The following THSD7B variants were observed in gnomAD, a reference collection of about 807,000 sequenced individuals.
The protein encoded by THSD7B is thrombospondin type-1 domain-containing protein 7B.
Under a neutral mutation model 213.6 loss-of-function variants are expected in THSD7B, and 138 were observed. The observed-to-expected ratio is 0.65, with a 90% CI of 0.56 to 0.74. The LOEUF (loss-of-function observed/expected upper bound fraction) is 0.74, where lower values mean the gene tolerates loss of function less well. Ranked by LOEUF, THSD7B falls within the 30% of genes least tolerant of loss-of-function variation. The probability of loss-of-function intolerance (pLI) is 0.00; values close to 1 mark genes in which losing one functional copy is unlikely to be tolerated. For synonymous variants in THSD7B, 742 were observed against 687.0 expected (o/e 1.08, Z -1.25); for missense variants, 1,931 against 1,991.5 (o/e 0.97, Z 0.58).
intron 2 of THSD7B, among the ~76,000 whole-genome samples, chr2:136,906,062 T>C (rs1684154785): frequency 6.6e-6 from 1 of 152,240 alleles, no homozygotes; most frequent in African/African-American, 2.4e-5. Context: ...TGGCCTTCTC[T>C]GCCTTTCACA....
In THSD7B at chr2:137,384,915, G is replaced by A. The variant is rs150966134; in HGVS notation, c.2501-20698G>A. On this transcript the variant is annotated intron_variant, in intron 12 of 27. Coordinates refer to ENST00000409968, the MANE Select transcript of THSD7B (RefSeq NM_001316349.2). ...AAACTGGTTCACCCCAACAGGTGCC[G>A]AGATGGGGTGGGATGAGGCACCTGA... 4.6e-4 allele frequency among the ~76,000 whole-genome samples: 70 copies of A among 152,252 alleles called. No individual in the cohort carries two copies. In the East Asian group the frequency reaches 0.01, roughly 22 times the overall value.
At chr2:137,089,384 G>T (rs1687908386) in intron 3 of THSD7B, among the ~76,000 whole-genome samples, 1 of 145,806 alleles carries the variant, frequency 6.9e-6, no homozygotes, top group East Asian at 2.0e-4. Flanking sequence ...ATATATACTA[G>T]TGTGTATATG....
At chr2:137,045,884 A>G (rs1424965902) in intron 2 of THSD7B, among the ~76,000 whole-genome samples, 1 of 152,162 alleles carries the variant, frequency 6.6e-6, no homozygotes, top group East Asian at 1.9e-4. Context: ...AGGCATTGCA[A>G]AAGGATTTGT....
Position 137,440,456 on chromosome 2 carries a change from C to T in THSD7B, c.2960-10389C>T, listed in dbSNP as rs961863454. On this transcript the variant is annotated intron_variant, in intron 14 of 27. Transcript: ENST00000409968. ...CTCCTCTCCAATAACCATAGCCTCA[C>T]CTTACCTTTTTTTTTTTTAATTGGA... 2.0e-5 allele frequency among the ~76,000 whole-genome samples: 3 copies of T among 147,220 alleles called. No homozygotes were observed. The East Asian group carries it at 5.9e-4, about 29-fold the overall frequency.
Position 136,979,583 on chromosome 2 carries a change from T to C in THSD7B, c.140-76837T>C, listed in dbSNP as rs551311693. ...TGATCTATTTGGTTACTGATACTTGTGGTTGCATTGTGAAGTTCTCAAGTT... is the reference window on the plus strand; with the variant it reads ...TGATCTATTTGGTTACTGATACTTGCGGTTGCATTGTGAAGTTCTCAAGTT... On this transcript the variant is annotated intron_variant, in intron 2 of 27. Coordinates refer to ENST00000409968, the MANE Select transcript of THSD7B (RefSeq NM_001316349.2). Among the ~76,000 whole-genome samples the C allele has an allele frequency of 3.9e-5, 6 of 152,308 alleles. No homozygotes were observed. The South Asian group carries it at 1.2e-3, about 32-fold the overall frequency.
chr2:136,786,504 T>G (rs901159834), intron 1 of THSD7B, among the ~76,000 whole-genome samples: 1 of 152,172 alleles, frequency 6.6e-6, no homozygotes, highest in Non-Finnish European at 1.5e-5. Flanking sequence ...ATATATCACC[T>G]CCTGGATTCG....
At chr2:137,383,026 G>A (rs562719803) in intron 12 of THSD7B, among the ~76,000 whole-genome samples, 9 of 152,318 alleles carry the variant, frequency 5.9e-5, no homozygotes, top group South Asian at 4.1e-4. Flanking sequence ...CCAAGGAAGC[G>A]ACACCTATGG....
At chr2:137,044,991 T>C (rs567533110) in intron 2 of THSD7B, among the ~76,000 whole-genome samples, 38 of 152,346 alleles carry the variant, frequency 2.5e-4, no homozygotes, top group Non-Finnish European at 1.2e-4. Context: ...AATGGCAACA[T>C]GTTTCTCTTC....
intron 4 of THSD7B, among the ~76,000 whole-genome samples, chr2:137,109,869 C>T (rs1230435056): frequency 1.3e-5 from 2 of 152,168 alleles, no homozygotes; most frequent in South Asian, 2.1e-4. Flanking sequence ...TGAGGTTCCA[C>T]ATAACGTGGC....
At chr2:137,476,960 A>G (rs571432011) in intron 15 of THSD7B, among the ~76,000 whole-genome samples, 9 of 152,302 alleles carry the variant, frequency 5.9e-5, no homozygotes, top group African/African-American at 2.2e-4. Flanking sequence ...AGAACATTCC[A>G]TGTGCTGATG....
chr2:136,847,144 G>A (rs561469613), intron 1 of THSD7B, among the ~76,000 whole-genome samples: 9 of 152,220 alleles, frequency 5.9e-5, no homozygotes, highest in Admixed American at 1.3e-4. Flanking sequence ...TGGAATAAAC[G>A]TCCGGAAAGG....
chr2:137,487,746 T>C, intron 15 of THSD7B, among the ~76,000 whole-genome samples: 1 of 1,726 alleles, frequency 5.8e-4, no homozygotes, highest in Non-Finnish European at 2.5e-3. Context: ...CTTTTTTTTT[T>C]TTTTTTTTTT....
At chr2:137,453,536 A>T (rs1443239834) in intron 15 of THSD7B, among the ~76,000 whole-genome samples, 2 of 151,798 alleles carry the variant, frequency 1.3e-5, no homozygotes, top group Non-Finnish European at 2.9e-5. Flanking sequence ...TCACTGTGTT[A>T]GCCATGATGG....
intron 20 of THSD7B, among the ~76,000 whole-genome samples, chr2:137,641,551 T>C (rs1682937490): frequency 6.6e-6 from 1 of 152,224 alleles, no homozygotes; most frequent in African/African-American, 2.4e-5. Flanking sequence ...TTATATGTGC[T>C]GAGTTCTTCA....
At chr2:137,483,780 G>A (rs1451720278) in intron 15 of THSD7B, among the ~76,000 whole-genome samples, 3 of 152,136 alleles carry the variant, frequency 2.0e-5, no homozygotes, top group East Asian at 3.9e-4. Flanking sequence ...CCCCGCTGGT[G>A]GCAGGAAGCA....
Position 137,554,628 on chromosome 2 carries a change from A to G in THSD7B, c.3139-8593A>G, listed in dbSNP as rs543238888. ...CTACAGCTCCCAATGTGAGTGATGCAGAGGTTGGGTGATTTCTGCATTTCC... is the reference window on the plus strand; with the variant it reads ...CTACAGCTCCCAATGTGAGTGATGCGGAGGTTGGGTGATTTCTGCATTTCC... On this transcript the variant is annotated intron_variant, in intron 15 of 27. Transcript: ENST00000409968. Among the ~76,000 whole-genome samples, 9 of 152,290 alleles carry G rather than the reference A, an allele frequency of 5.9e-5. No homozygotes were observed. In the East Asian group the frequency reaches 1.7e-3, roughly 29 times the overall value.
Position 137,170,755 on chromosome 2 carries a change from C to T in THSD7B, c.1540C>T (p.Gln514Ter). Reference protein sequence around the residue: ...PQGKKGFRTRQRHVLMESTGP... With the variant: ...PQGKKGFRTR ...TCTCTTTTTAGGATTTAGAACGAGG[C>T]AGCGCCATGTCCTCATGGAATCTAC... Residue 514 changes from glutamine (Q) to a stop codon, truncating the protein, a stop_gained, in exon 7 of 28, where the codon CAG (glutamine) becomes TAG (stop). Coordinates refer to ENST00000409968, the MANE Select transcript of THSD7B (RefSeq NM_001316349.2). LOFTEE classifies it high-confidence loss of function. 1 of 1,613,172 alleles carries T rather than the reference C, an allele frequency of 6.2e-7. No homozygotes were observed. Among genetic ancestry groups the T allele is most frequent in the Non-Finnish European group, 8.5e-7 (1 of 1,179,478 alleles).
At position 137,556,416 on chromosome 2, in the gene THSD7B, C is replaced by T. The variant is rs549829671; in HGVS notation, c.3139-6805C>T. 7.5e-3 allele frequency among the ~76,000 whole-genome samples: 1,145 copies of T among 152,184 alleles called. 11 individuals carry two copies. Among genetic ancestry groups the T allele is most frequent in the African/African-American group, 0.026 (1,090 of 41,510 alleles). On this transcript the variant is annotated intron_variant, in intron 15 of 27. Coordinates refer to ENST00000409968, the MANE Select transcript of THSD7B (RefSeq NM_001316349.2). ...CATTCTTAAAGAAAAGAATTTTCAA[C>T]CCAGAATTTCATATCCAGCCAAACT...
At chr2:136,825,488 T>C (rs1331657798) in intron 1 of THSD7B, among the ~76,000 whole-genome samples, 1 of 152,082 alleles carries the variant, frequency 6.6e-6, no homozygotes, top group Non-Finnish European at 1.5e-5. Flanking sequence ...GCAGCAACAG[T>C]CCAGTCCCTC....
Sources: gnomAD v4.1 joint callset for allele counts (sites outside exome capture counted in the v4.1 genomes callset) on GRCh38, gnomAD v4.1.1 for gene constraint, MANE v1.5 for transcripts, NCBI Gene and HGNC (gene_info 2026-07-23, HGNC 2026-07-21) for gene names.